The following SLC26A8 variants were observed in gnomAD, a reference collection of about 807,000 sequenced individuals.
SLC26A8 encodes testis anion transporter 1.
A neutral mutation model predicts 105.0 loss-of-function variants in SLC26A8; 70 were observed. The ratio of observed to expected loss-of-function variants is 0.67; its 90% CI spans 0.55 to 0.81. The LOEUF (loss-of-function observed/expected upper bound fraction) is 0.81, where lower values mean the gene tolerates loss of function less well. SLC26A8 is among the 40% of genes least tolerant of loss of function. SLC26A8 has a pLI of 0.00. For synonymous variants in SLC26A8, 415 were observed against 438.3 expected, an observed-to-expected ratio of 0.95 and a Z score of 0.66; for missense variants, 998 against 1,181.8, an observed-to-expected ratio of 0.84 and a Z score of 2.28.
intron 7 of SLC26A8, 37 bp from the exon 8 acceptor site, chr6:35,982,240 G>C: frequency 6.3e-7 from 1 of 1,592,994 alleles, no homozygotes; most frequent in Non-Finnish European, 8.6e-7. Flanking sequence ...GGGGGCATAT[G>C]AATACCTAAA....
chr6:35,950,346 G>A (rs930877002), intron 19 of SLC26A8, among the ~76,000 whole-genome samples: 2 of 151,258 alleles, frequency 1.3e-5, no homozygotes, highest in African/African-American at 4.9e-5. Context: ...CTGGAGTGCA[G>A]TGGCGTGATC....
At chr6:35,974,604 A>C (rs1772924749) in intron 10 of SLC26A8, among the ~76,000 whole-genome samples, 3 of 152,226 alleles carry the variant, frequency 2.0e-5, no homozygotes, top group African/African-American at 7.2e-5. Flanking sequence ...CTTTTGAAGA[A>C]GCCAGGAAAA....
At chr6:35,986,894 G>A (rs960416846) in intron 7 of SLC26A8, among the ~76,000 whole-genome samples, 1 of 152,014 alleles carries the variant, frequency 6.6e-6, no homozygotes, top group African/African-American at 2.4e-5. Context: ...GGTTGATTCC[G>A]TATCTTAGGT....
chr6:35,999,254 G>C (rs1408198456), intron 4 of SLC26A8, among the ~76,000 whole-genome samples: 1 of 152,120 alleles, frequency 6.6e-6, no homozygotes, highest in African/African-American at 2.4e-5. Context: ...ATGTTAATCA[G>C]ACTGAACATA....
intron 19 of SLC26A8, among the ~76,000 whole-genome samples, chr6:35,949,818 T>G (rs1301561157): frequency 7.3e-6 from 1 of 136,272 alleles, no homozygotes; most frequent in South Asian, 2.2e-4. Context: ...TGTTTTTTTG[T>G]TTTTTTTTTT....
chr6:35,959,970 G>A (rs186156760), intron 14 of SLC26A8, 164 bp from the exon 15 acceptor site: 73 of 526,814 alleles, frequency 1.4e-4, no homozygotes, highest in Non-Finnish European at 2.2e-4. Context: ...GTGCAATGGC[G>A]CGATCTTGGC....
chr6:35,977,397 C>T (rs1760266210), intron 8 of SLC26A8, 46 bp from the exon 9 acceptor site: 1 of 1,568,716 alleles, frequency 6.4e-7, no homozygotes, highest in African/African-American at 1.4e-5. Flanking sequence ...GGAATCCTTT[C>T]TTGGTACCTC....
intron 19 of SLC26A8, among the ~76,000 whole-genome samples, chr6:35,950,850 T>C (rs1328990713): frequency 2.0e-5 from 3 of 152,138 alleles, no homozygotes; most frequent in Non-Finnish European, 4.4e-5. Flanking sequence ...TAACCAAGAA[T>C]GCTGTAGAAG....
chr6:35,975,666 C>T (rs1254327551), intron 9 of SLC26A8, among the ~76,000 whole-genome samples, 178 bp from the exon 10 acceptor site: 1 of 151,724 alleles, frequency 6.6e-6, no homozygotes, highest in Non-Finnish European at 1.5e-5. Context: ...ATAAGCTCAA[C>T]ACTTTAGGAG....
At chr6:36,009,183 C>T (rs2127366559) in intron 3 of SLC26A8, among the ~76,000 whole-genome samples, 3 of 152,286 alleles carry the variant, frequency 2.0e-5, no homozygotes, top group Admixed American at 2.0e-4. Flanking sequence ...GAAACCCTGT[C>T]TCTACTAAAA....
chr6:35,951,560 A>G, intron 17 of SLC26A8, 61 bp from the exon 18 acceptor site: 7 of 1,571,924 alleles, frequency 4.5e-6, no homozygotes, highest in Non-Finnish European at 6.1e-6. Flanking sequence ...AGGCCTTCTA[A>G]TTAGCTAAGT....
intron 8 of SLC26A8, among the ~76,000 whole-genome samples, chr6:35,979,773 G>A (rs1773198580): frequency 6.6e-6 from 1 of 152,082 alleles, no homozygotes; most frequent in Admixed American, 6.6e-5. Flanking sequence ...TAGCAAATGA[G>A]GTTAAAAGGG....
intron 11 of SLC26A8, among the ~76,000 whole-genome samples, chr6:35,968,315 T>C (rs1772600107): frequency 6.6e-6 from 1 of 151,580 alleles, no homozygotes; most frequent in Non-Finnish European, 1.5e-5. Context: ...CAGCTAATTT[T>C]TGTATTTTTG....
chr6:35,993,257 G>A (rs1441538168), intron 5 of SLC26A8, among the ~76,000 whole-genome samples: 1 of 141,318 alleles, frequency 7.1e-6, no homozygotes, highest in African/African-American at 2.7e-5. Flanking sequence ...CTCCTGTTTT[G>A]GCCTCCCAAA....
intron 12 of SLC26A8, among the ~76,000 whole-genome samples, 177 bp downstream of exon 12, chr6:35,962,349 C>T (rs34982564): frequency 0.071 from 10,857 of 152,176 alleles, 461 homozygotes; most frequent in Middle Eastern, 0.099. Context: ...ATGAGGTCTT[C>T]GTGTTTTCAT....
In SLC26A8 at chr6:35,999,217, G is replaced by A. The variant is rs118051765; in HGVS notation, c.445+775C>T. Among the ~76,000 whole-genome samples the A allele has an allele frequency of 2.8e-4, 42 of 152,216 alleles. No individual in the cohort carries two copies. The East Asian group carries it at 7.9e-3, about 29-fold the overall frequency. On this transcript the variant is annotated intron_variant, in intron 4 of 19. Coordinates refer to ENST00000490799, the MANE Select transcript of SLC26A8 (RefSeq NM_052961.4). ...CCAAGCTATTCTTAAAAAAGGAAAA[G>A]TAGCACTTCACGTCTGGAAGGATGG... is the stretch of plus-strand genomic sequence containing the variant.
Position 35,944,314 on chromosome 6 carries a change from G to T in SLC26A8, c.2499C>A (p.Ser833Arg), listed in dbSNP as rs546949071. 3.1e-6 allele frequency: 5 copies of T among 1,612,884 alleles called. No individual in the cohort carries two copies. In the Admixed American group the frequency reaches 5.0e-5, roughly 16 times the overall value. The stretch of plus-strand genomic sequence containing the variant: ...TTTTTTGGCTTCCTAGAAAACTGCT[G>T]CTCATTTTATATCTTGAATTGTCAT... ...DKNDNSRYKM[S>R]SSFLGSQKNV... Residue 833 changes from serine to arginine, a missense_variant, in exon 20 of 20, where the codon AGC becomes AGA. Physicochemically the swap from Ser to Arg is moderately radical, Grantham distance 110 (BLOSUM62 -1). Coordinates refer to ENST00000490799, the MANE Select transcript of SLC26A8 (RefSeq NM_052961.4).
chr6:36,019,635 C>T lies in SLC26A8; in HGVS notation c.73G>A (p.Val25Ile). 1.2e-6 allele frequency: 2 copies of T among 1,614,176 alleles called. No homozygotes were observed. The highest frequency in any genetic ancestry group is 1.7e-6 in the Non-Finnish European group (2 of 1,180,034). The change falls in exon 2 of 20, where the codon GTT becomes ATT. Residue 25 changes from valine (V) to isoleucine (I), a missense_variant. Physicochemically the swap from Val to Ile is conservative, Grantham distance 29. Coordinates refer to ENST00000490799, the MANE Select transcript of SLC26A8 (RefSeq NM_052961.4). Reference sequence around the variant, plus strand: ...TCCTCATTGTATACTTCACGCTTAACATCATATGCGAATGAGTTTCGCCTG... The same window carrying T: ...TCCTCATTGTATACTTCACGCTTAATATCATATGCGAATGAGTTTCGCCTG... ...KSRRNSFAYD[V>I]KREVYNEETF...
intron 7 of SLC26A8, among the ~76,000 whole-genome samples, chr6:35,985,298 C>A: frequency 6.6e-6 from 1 of 152,128 alleles, no homozygotes; most frequent in East Asian, 1.9e-4. Context: ...GCTTCCTTAA[C>A]CTTGGCAAAA....
Sources: allele counts gnomAD v4.1 joint callset (sites outside exome capture counted in the v4.1 genomes callset), GRCh38; gene constraint gnomAD v4.1.1; transcripts MANE v1.5; gene names NCBI Gene and HGNC (gene_info 2026-07-23, HGNC 2026-07-21).